Variants in ARL15 observed in about 807,000 individuals in gnomAD.
The protein encoded by ARL15 is ADP-ribosylation factor-like protein 15.
Under a neutral mutation model 25.2 loss-of-function variants are expected in ARL15, and 19 were observed. The ratio of observed to expected loss-of-function variants is 0.75; its 90% CI spans 0.53 to 1.10. The LOEUF (loss-of-function observed/expected upper bound fraction) is 1.10. Ranked by LOEUF, ARL15 falls within the 50% of genes least tolerant of loss-of-function variation. The probability of loss-of-function intolerance (pLI) is 0.00; values close to 1 mark genes in which losing one functional copy is unlikely to be tolerated. For synonymous variants in ARL15, 94 were observed against 86.8 expected (o/e 1.08, Z -0.46); for missense variants, 220 against 246.0 (o/e 0.89, Z 0.71).
At chr5:54,291,709 A>G (rs2112690890) in intron 1 of ARL15, among the ~76,000 whole-genome samples, 1 of 152,308 alleles carries the variant, frequency 6.6e-6, no homozygotes, top group South Asian at 2.1e-4. Flanking sequence ...AACAGGCCCC[A>G]CTAGTTCCCA....
At chr5:54,085,310 A>G (rs1345893047) in intron 4 of ARL15, among the ~76,000 whole-genome samples, 1 of 152,212 alleles carries the variant, frequency 6.6e-6, no homozygotes, top group Non-Finnish European at 1.5e-5. Context: ...TTTATTTATT[A>G]GTCCTTTATT....
intron 4 of ARL15, among the ~76,000 whole-genome samples, chr5:53,945,018 C>T (rs1262531037): frequency 6.6e-6 from 1 of 152,178 alleles, no homozygotes; most frequent in Non-Finnish European, 1.5e-5. Flanking sequence ...TCCTGGGCAA[C>T]AGATCAGGGA....
intron 4 of ARL15, among the ~76,000 whole-genome samples, chr5:54,006,856 C>T (rs1191400556): frequency 2.0e-5 from 3 of 151,924 alleles, no homozygotes; most frequent in South Asian, 2.1e-4. Context: ...TTTGGGAGGC[C>T]GAGGTGGGTG....
intron 4 of ARL15, among the ~76,000 whole-genome samples, chr5:54,058,815 A>G (rs1288775389): frequency 1.3e-5 from 2 of 152,132 alleles, no homozygotes; most frequent in African/African-American, 4.8e-5. Flanking sequence ...ATATCATCTA[A>G]CTACAGTTTC....
At chr5:54,088,899 T>C (rs980697047) in intron 4 of ARL15, among the ~76,000 whole-genome samples, 3 of 152,198 alleles carry the variant, frequency 2.0e-5, no homozygotes, top group Admixed American at 6.5e-5. Flanking sequence ...GACCTACAAA[T>C]TGAGCTGCAG....
intron 1 of ARL15, among the ~76,000 whole-genome samples, chr5:54,209,330 A>T (rs946621724): frequency 9.5e-5 from 12 of 126,968 alleles, no homozygotes; most frequent in Non-Finnish European, 1.9e-4. Flanking sequence ...ATATAAAAAG[A>T]GAAAGAGAGA....
intron 1 of ARL15, among the ~76,000 whole-genome samples, chr5:54,291,611 C>T (rs1007237763): frequency 6.6e-6 from 1 of 152,120 alleles, no homozygotes; most frequent in Non-Finnish European, 1.5e-5. Context: ...GCATCAGGTG[C>T]TTAGCAAAGG....
In ARL15 at chr5:54,122,816, T is replaced by C. The variant is rs963097236; in HGVS notation, c.254-9406A>G. Among the ~76,000 whole-genome samples the C allele has an allele frequency of 4.6e-5, 7 of 152,220 alleles. 1 individual carries two copies. In the South Asian group the frequency reaches 8.3e-4, roughly 18 times the overall value. ...TGTTTATAACCCACTTTTTCAGCCTTTTCACAGCTTTTGCTTAAGCATTCT... is the reference window on the plus strand; with the variant it reads ...TGTTTATAACCCACTTTTTCAGCCTCTTCACAGCTTTTGCTTAAGCATTCT... On this transcript the variant is annotated intron_variant, in intron 3 of 4. Transcript: ENST00000504924.
At chr5:54,234,984 CTTCT>C (rs148311466) in intron 1 of ARL15, among the ~76,000 whole-genome samples, 59,989 of 151,790 alleles carry the variant, frequency 0.4, 14,408 homozygotes, top group Non-Finnish European at 0.53. Flanking sequence ...ACACAAAAAA[CTTCT>C]TTCTTAAATT....
At chr5:54,184,703 A>AC (rs1459027037) in intron 1 of ARL15, among the ~76,000 whole-genome samples, 1 of 152,018 alleles carries the variant, frequency 6.6e-6, no homozygotes, top group African/African-American at 2.4e-5. Flanking sequence ...TCTTCACTTA[A>AC]CAATCTTTTA....
At chr5:54,163,156 A>G (rs1561248776) in intron 2 of ARL15, among the ~76,000 whole-genome samples, 1 of 151,910 alleles carries the variant, frequency 6.6e-6, no homozygotes, top group Non-Finnish European at 1.5e-5. Flanking sequence ...TCTTCACAGG[A>G]TCATAGTTTC....
intron 3 of ARL15, among the ~76,000 whole-genome samples, chr5:54,129,909 T>A (rs1218489615): frequency 6.6e-6 from 1 of 152,222 alleles, no homozygotes. Flanking sequence ...TTAAAATCAA[T>A]TGTAAAGTTT....
chr5:54,080,852 T>C (rs555929895), intron 4 of ARL15, among the ~76,000 whole-genome samples: 1 of 152,270 alleles, frequency 6.6e-6, no homozygotes, highest in East Asian at 1.9e-4. Context: ...AAATTTCAAG[T>C]CTATAAGCAT....
At chr5:54,196,184 T>A (rs1357602627) in intron 1 of ARL15, among the ~76,000 whole-genome samples, 4 of 152,096 alleles carry the variant, frequency 2.6e-5, no homozygotes, top group Non-Finnish European at 5.9e-5. Context: ...CCTTAAAGAG[T>A]ATGTTTTATG....
intron 1 of ARL15, among the ~76,000 whole-genome samples, chr5:54,305,724 A>G (rs1043640841): frequency 6.6e-6 from 1 of 152,262 alleles, no homozygotes; most frequent in African/African-American, 2.4e-5. Flanking sequence ...ATATACAGTA[A>G]TAAAAGTTAT....
intron 1 of ARL15, among the ~76,000 whole-genome samples, chr5:54,239,501 G>A (rs971873518): frequency 6.6e-5 from 10 of 152,180 alleles, no homozygotes; most frequent in Admixed American, 6.5e-4. Flanking sequence ...CCCTGTAGAA[G>A]AGGCTGCCAG....
At chr5:53,992,832 G>GGGTAACCTGA (rs1554032580) in intron 4 of ARL15, among the ~76,000 whole-genome samples, 5 of 120,796 alleles carry the variant, frequency 4.1e-5, no homozygotes, top group African/African-American at 1.6e-4. Context: ...AGGCCGAGGT[G>GGGTAACCTGA]GGTCGGGAGT....
intron 1 of ARL15, among the ~76,000 whole-genome samples, chr5:54,174,573 G>A (rs946929523): frequency 6.6e-6 from 1 of 152,034 alleles, no homozygotes; most frequent in Non-Finnish European, 1.5e-5. Flanking sequence ...ATTTCAGTCT[G>A]TCTTCATCCT....
In ARL15 at chr5:53,884,267, T is replaced by C. The variant is rs1399541268; in HGVS notation, c.*2294A>G. The C allele has an allele frequency of 2.0e-5, 3 of 152,184 alleles. No homozygotes were observed. Among genetic ancestry groups the C allele is most frequent in the Non-Finnish European group, 4.4e-5 (3 of 68,032 alleles). 9.4% of individuals were successfully genotyped at this position (152,184 alleles called of 1,614,324 possible). A position where few individuals can be genotyped will look rare whatever the true frequency, so the allele number is the denominator to read the frequency against. ...GAAGAAATACATAACAGACTGTTTT[T>C]CCTATATAATATTTGAATATGCAAA... On this transcript the variant is annotated 3_prime_UTR_variant, in exon 5 of 5. Coordinates refer to ENST00000504924, the MANE Select transcript of ARL15 (RefSeq NM_019087.3).
Sources: gnomAD v4.1 joint callset for allele counts (sites outside exome capture counted in the v4.1 genomes callset) on GRCh38, gnomAD v4.1.1 for gene constraint, MANE v1.5 for transcripts, NCBI Gene and HGNC (gene_info 2026-07-23, HGNC 2026-07-21) for gene names.